GRM7: variants seen among roughly 807,000 people sequenced by gnomAD.
GRM7 encodes the protein glutamate metabotropic receptor 7.
Under a neutral mutation model 84.5 loss-of-function variants are expected in GRM7, and 35 were observed. The observed-to-expected ratio is 0.41, with a 90% CI of 0.32 to 0.55. The LOEUF is 0.55. GRM7 is among the 20% of genes least tolerant of loss of function. The pLI, the probability that GRM7 is intolerant of heterozygous loss-of-function variation, is 0.19. For synonymous variants in GRM7, 487 were observed against 455.1 expected, an observed-to-expected ratio of 1.07 and a Z score of -0.89; for missense variants, 1,003 against 1,194.6, an observed-to-expected ratio of 0.84 and a Z score of 2.36.
chr3:7,123,273 A>C (rs1452873523), intron 1 of GRM7, among the ~76,000 whole-genome samples: 1 of 152,228 alleles, frequency 6.6e-6, no homozygotes, highest in Admixed American at 6.5e-5. Context: ...AGAGTACCAG[A>C]ATGGTGGCTT....
intron 7 of GRM7, among the ~76,000 whole-genome samples, chr3:7,574,161 CTTT>C (rs3034008): frequency 0.01 from 1,378 of 133,658 alleles, 17 homozygotes; most frequent in African/African-American, 0.034. Flanking sequence ...CTTAGGCTTG[CTTT>C]TTTTTTTTTT....
intron 1 of GRM7, among the ~76,000 whole-genome samples, chr3:6,916,063 C>G (rs1470474671): frequency 1.3e-5 from 2 of 152,162 alleles, no homozygotes; most frequent in Non-Finnish European, 2.9e-5. Context: ...GATGTTGCAG[C>G]CAACCAAAAT....
At chr3:6,879,544 C>A (rs916498326) in intron 1 of GRM7, among the ~76,000 whole-genome samples, 1 of 152,078 alleles carries the variant, frequency 6.6e-6, no homozygotes, top group Non-Finnish European at 1.5e-5. Context: ...GAGGAACTGA[C>A]CTCTGAGTGT....
intron 7 of GRM7, among the ~76,000 whole-genome samples, chr3:7,481,344 C>T (rs909030195): frequency 3.3e-5 from 5 of 152,166 alleles, no homozygotes; most frequent in African/African-American, 9.7e-5. Flanking sequence ...GCTCCCGCCT[C>T]GGCCTCCCAA....
At chr3:7,296,389 G>T (rs932074603) in intron 2 of GRM7, among the ~76,000 whole-genome samples, 2 of 151,916 alleles carry the variant, frequency 1.3e-5, no homozygotes, top group Non-Finnish European at 2.9e-5. Context: ...TAGGTATTAG[G>T]TAATACCTCA....
At chr3:7,430,920 T>A (rs56002938) in intron 5 of GRM7, among the ~76,000 whole-genome samples, 1 of 152,094 alleles carries the variant, frequency 6.6e-6, no homozygotes, top group East Asian at 1.9e-4. Context: ...TTTGAGTTTC[T>A]GAAGCCCAGA....
At position 7,131,968 on chromosome 3, in the gene GRM7, A is replaced by C. The variant is rs1693616378; in HGVS notation, c.520-14484A>C. Among the ~76,000 whole-genome samples, 4 of 152,296 alleles carry C rather than the reference A, an allele frequency of 2.6e-5. No individual in the cohort carries two copies. In the South Asian group the frequency reaches 6.2e-4, roughly 24 times the overall value. ...AGGAAAGTGTCTCTCATTTCTTCAA[A>C]GGACACCTACTTCATTACTTTTTGA... On this transcript the variant is annotated intron_variant, in intron 1 of 9. Coordinates refer to ENST00000357716, the MANE Select transcript of GRM7 (RefSeq NM_000844.4).
chr3:7,495,639 T>C (rs574994320), intron 7 of GRM7, among the ~76,000 whole-genome samples: 10 of 152,178 alleles, frequency 6.6e-5, no homozygotes, highest in Admixed American at 1.3e-4. Context: ...TCCCGATTGC[T>C]TATTTCTGAT....
At chr3:7,532,803 CAAAAA>C (rs36040168) in intron 7 of GRM7, among the ~76,000 whole-genome samples, 4 of 70,632 alleles carry the variant, frequency 5.7e-5, no homozygotes. Flanking sequence ...AAAGGGAAAG[CAAAAA>C]AAAAAAAAAA....
At chr3:7,240,052 A>G (rs1697490708) in intron 2 of GRM7, among the ~76,000 whole-genome samples, 2 of 144,142 alleles carry the variant, frequency 1.4e-5, no homozygotes, top group Non-Finnish European at 3.0e-5. Flanking sequence ...GCAGATATCC[A>G]TTTTCCCCTG....
intron 1 of GRM7, among the ~76,000 whole-genome samples, chr3:7,131,367 T>G (rs140024289): frequency 8.9e-4 from 136 of 152,300 alleles, no homozygotes; most frequent in South Asian, 3.5e-3. Context: ...AAGGGCCCCT[T>G]AGATATTCTG....
chr3:7,648,811 A>C (rs534993687), intron 8 of GRM7, among the ~76,000 whole-genome samples: 1 of 152,202 alleles, frequency 6.6e-6, no homozygotes, highest in Non-Finnish European at 1.5e-5. Flanking sequence ...GTAAGACTAC[A>C]AAAATAGGTC....
At chr3:7,534,683 C>G (rs1701174312) in intron 7 of GRM7, among the ~76,000 whole-genome samples, 1 of 151,924 alleles carries the variant, frequency 6.6e-6, no homozygotes. Flanking sequence ...ATAAACAGGG[C>G]CCTTAATTCT....
intron 2 of GRM7, among the ~76,000 whole-genome samples, chr3:7,271,200 A>T (rs1698840406): frequency 6.6e-6 from 1 of 152,060 alleles, no homozygotes. Flanking sequence ...AGAAAGAGGA[A>T]AAAAAAGTTT....
chr3:7,517,953 G>A (rs1216522095), intron 7 of GRM7, among the ~76,000 whole-genome samples: 1 of 152,220 alleles, frequency 6.6e-6, no homozygotes. Flanking sequence ...AAAGCCAGAT[G>A]TAGCCTCTAA....
At chr3:7,504,187 T>C (rs1281921894) in intron 7 of GRM7, among the ~76,000 whole-genome samples, 1 of 152,156 alleles carries the variant, frequency 6.6e-6, no homozygotes. Flanking sequence ...CATAAGGATT[T>C]TATTATCACA....
chr3:7,301,350 A>T (rs1699993841), intron 3 of GRM7, among the ~76,000 whole-genome samples: 1 of 152,124 alleles, frequency 6.6e-6, no homozygotes, highest in Non-Finnish European at 1.5e-5. Context: ...TTTCTATGAG[A>T]TTTTGTTTTC....
intron 8 of GRM7, among the ~76,000 whole-genome samples, chr3:7,677,920 C>T (rs556100132): frequency 4.6e-5 from 7 of 152,214 alleles, no homozygotes; most frequent in Non-Finnish European, 7.4e-5. Context: ...TATTATGCAT[C>T]CATAAAAAAG....
chr3:7,262,524 C>T lies in GRM7; in HGVS notation c.737-36160C>T, dbSNP rs192045518. Among the ~76,000 whole-genome samples, 57 of 152,230 alleles carry T rather than the reference C, an allele frequency of 3.7e-4. No individual in the cohort carries two copies. The East Asian group carries it at 0.011, about 29-fold the overall frequency. On this transcript the variant is annotated intron_variant, in intron 2 of 9. Coordinates refer to ENST00000357716, the MANE Select transcript of GRM7 (RefSeq NM_000844.4). The stretch of plus-strand genomic sequence containing the variant: ...TATCATTTTATTGCAATTCTTAGCT[C>T]CCCTGGATTGAGTTTCAGTGTTCTC...
Sources: gnomAD v4.1 joint callset for allele counts (sites outside exome capture counted in the v4.1 genomes callset) on GRCh38, gnomAD v4.1.1 for gene constraint, MANE v1.5 for transcripts, NCBI Gene and HGNC (gene_info 2026-07-23, HGNC 2026-07-21) for gene names.